Variants in PAK5 observed in about 807,000 individuals in gnomAD.
PAK5 encodes p21 (RAC1) activated kinase 5, also known as serine/threonine-protein kinase PAK 5.
In PAK5, 16 loss-of-function variants were observed where a neutral mutation model predicts 65.9. That is an observed-to-expected ratio of 0.24 (90% confidence interval 0.16 to 0.37). The LOEUF is 0.37. Ranked by LOEUF, PAK5 falls within the 10% of genes least tolerant of loss-of-function variation. The pLI, the probability that PAK5 is intolerant of heterozygous loss-of-function variation, is 1.00. For missense variants in PAK5, 785 were observed against 903.9 expected, an observed-to-expected ratio of 0.87 and a Z score of 1.69; for synonymous variants, 371 against 354.9, an observed-to-expected ratio of 1.05 and a Z score of -0.51.
At chr20:9,696,409 A>G (rs2047869988) in intron 2 of PAK5, among the ~76,000 whole-genome samples, 1 of 152,072 alleles carries the variant, frequency 6.6e-6, no homozygotes, top group Non-Finnish European at 1.5e-5. Context: ...TTTTTGTTTT[A>G]TACAGTGACA....
At chr20:9,635,706 C>T (rs894131570) in intron 3 of PAK5, among the ~76,000 whole-genome samples, 1 of 152,076 alleles carries the variant, frequency 6.6e-6, no homozygotes, top group African/African-American at 2.4e-5. Context: ...AGGCACTGGA[C>T]TTCATGTTGC....
chr20:9,772,707 T>C (rs556275840), intron 1 of PAK5, among the ~76,000 whole-genome samples: 1 of 152,236 alleles, frequency 6.6e-6, no homozygotes, highest in Non-Finnish European at 1.5e-5. Flanking sequence ...TGAATTTACA[T>C]TTGCGAAATA....
At chr20:9,665,085 G>GTTTTTTTTGTT (rs1555910640) in intron 2 of PAK5, among the ~76,000 whole-genome samples, 4 of 98,892 alleles carry the variant, frequency 4.0e-5, no homozygotes, top group Admixed American at 2.6e-4. Flanking sequence ...AAATTTTTCT[G>GTTTTTTTTGTT]TTTTTTTTTT....
intron 2 of PAK5, among the ~76,000 whole-genome samples, chr20:9,657,173 C>A (rs565387523): frequency 6.6e-6 from 1 of 152,280 alleles, no homozygotes; most frequent in South Asian, 2.1e-4. Flanking sequence ...TAAGCCCTGG[C>A]AACCTGTAAT....
At chr20:9,810,437 T>G (rs1221332320) in intron 1 of PAK5, among the ~76,000 whole-genome samples, 1 of 152,040 alleles carries the variant, frequency 6.6e-6, no homozygotes, top group Admixed American at 6.6e-5. Flanking sequence ...AGCCAGGAAG[T>G]GTGCACCTGA....
rs185546677 is a variant in PAK5 at position 9,803,938 on chromosome 20, C to T, written c.-162+34824G>A. On this transcript the variant is annotated intron_variant, in intron 1 of 9. Coordinates refer to ENST00000353224, the MANE Select transcript of PAK5 (RefSeq NM_177990.4). The stretch of plus-strand genomic sequence containing the variant: ...TCAGTGGCATAAAAGTAAATAAAGG[C>T]AACAATTAACATGGGAAAGAAAATT... Among the ~76,000 whole-genome samples the T allele has an allele frequency of 9.9e-5, 15 of 152,228 alleles. No homozygotes were observed. In the East Asian group the frequency reaches 2.3e-3, roughly 24 times the overall value.
At chr20:9,687,127 C>A (rs1305620317) in intron 2 of PAK5, among the ~76,000 whole-genome samples, 1 of 152,158 alleles carries the variant, frequency 6.6e-6, no homozygotes, top group African/African-American at 2.4e-5. Flanking sequence ...TATCTTATGC[C>A]CAGGCTGTAT....
At chr20:9,834,855 C>A (rs1979017407) in intron 1 of PAK5, among the ~76,000 whole-genome samples, 1 of 152,090 alleles carries the variant, frequency 6.6e-6, no homozygotes, top group South Asian at 2.1e-4. Context: ...GACTGAAAGT[C>A]TAGCTCACCA....
intron 2 of PAK5, among the ~76,000 whole-genome samples, chr20:9,672,524 G>C (rs1416954176): frequency 6.6e-6 from 1 of 151,604 alleles, no homozygotes; most frequent in African/African-American, 2.4e-5. Flanking sequence ...TTTTATAAAG[G>C]GGAGTTCCCC....
chr20:9,557,391 G>A (rs1267505162), intron 7 of PAK5, among the ~76,000 whole-genome samples: 1 of 152,192 alleles, frequency 6.6e-6, no homozygotes. Flanking sequence ...CATTGTTAAG[G>A]AGGCAAATTA....
At chr20:9,737,893 A>T (rs1569066188) in intron 1 of PAK5, among the ~76,000 whole-genome samples, 2 of 152,154 alleles carry the variant, frequency 1.3e-5, no homozygotes. Flanking sequence ...CTATAATCCC[A>T]GCACTTTGGG....
chr20:9,778,251 T>G (rs549514727), intron 1 of PAK5, among the ~76,000 whole-genome samples: 3 of 152,302 alleles, frequency 2.0e-5, no homozygotes, highest in Admixed American at 1.3e-4. Context: ...GTTGTTGTTG[T>G]TTTAAGGATA....
intron 2 of PAK5, among the ~76,000 whole-genome samples, chr20:9,679,075 T>C (rs1202819512): frequency 6.6e-6 from 1 of 152,152 alleles, no homozygotes; most frequent in Non-Finnish European, 1.5e-5. Flanking sequence ...CTGTTCCCCA[T>C]CCTCCTCAGT....
At chr20:9,668,739 G>A (rs1174343204) in intron 2 of PAK5, among the ~76,000 whole-genome samples, 1 of 152,216 alleles carries the variant, frequency 6.6e-6, no homozygotes, top group Non-Finnish European at 1.5e-5. Context: ...CTATTTACTT[G>A]ACTGACATCA....
chr20:9,640,757 A>G (rs967649505), intron 3 of PAK5, among the ~76,000 whole-genome samples: 11 of 151,844 alleles, frequency 7.2e-5, no homozygotes, highest in African/African-American at 2.4e-4. Context: ...GCAGACCTTC[A>G]CGGTGAGTGT....
At chr20:9,617,558 T>TC (rs1352156498) in intron 3 of PAK5, among the ~76,000 whole-genome samples, 1 of 143,510 alleles carries the variant, frequency 7.0e-6, no homozygotes, top group Non-Finnish European at 1.5e-5. Context: ...CCTTTTTTTT[T>TC]TTTTTTTTTT....
intron 2 of PAK5, among the ~76,000 whole-genome samples, chr20:9,661,615 C>T (rs756817124): frequency 1.3e-5 from 2 of 152,038 alleles, no homozygotes; most frequent in Non-Finnish European, 2.9e-5. Flanking sequence ...CTTCTCCCAC[C>T]TCTCATAACT....
At chr20:9,644,799 C>A (rs1600190086) in intron 2 of PAK5, among the ~76,000 whole-genome samples, 1 of 152,192 alleles carries the variant, frequency 6.6e-6, no homozygotes, top group African/African-American at 2.4e-5. Flanking sequence ...AAGCCAAGAC[C>A]AGGCAAGCTC....
At chr20:9,822,630 T>C (rs1271437431) in intron 1 of PAK5, among the ~76,000 whole-genome samples, 3 of 152,234 alleles carry the variant, frequency 2.0e-5, no homozygotes, top group Non-Finnish European at 2.9e-5. Context: ...AATTTTCTTT[T>C]CTTACAACAA....
Sources: allele counts gnomAD v4.1 joint callset (sites outside exome capture counted in the v4.1 genomes callset), GRCh38; gene constraint gnomAD v4.1.1; transcripts MANE v1.5; gene names NCBI Gene and HGNC (gene_info 2026-07-23, HGNC 2026-07-21).